Variants in DOCK1 observed in about 807,000 individuals in gnomAD.
The protein encoded by DOCK1 is dedicator of cytokinesis 1.
In DOCK1, 138 loss-of-function variants were observed where a neutral mutation model predicts 262.7. That is an observed-to-expected ratio of 0.53 (90% CI 0.46 to 0.61). DOCK1 has a LOEUF of 0.61. Among genes scored for constraint, DOCK1 ranks in the 20% least tolerant of loss-of-function variants. The probability of loss-of-function intolerance (pLI) is 0.00; values close to 1 mark genes in which losing one functional copy is unlikely to be tolerated. For missense variants in DOCK1, 1,908 were observed against 2,370.7 expected (o/e 0.80, Z 4.05); for synonymous variants, 866 against 867.4 (o/e 1.00, Z 0.03).
chr10:126,911,169 A>G (rs1014850622), intron 1 of DOCK1, among the ~76,000 whole-genome samples: 20 of 152,152 alleles, frequency 1.3e-4, no homozygotes, highest in Admixed American at 1.3e-3. Flanking sequence ...CCAGCAGTGT[A>G]TATGTGATTG....
rs1330972846 is a variant in DOCK1, at chr10:127,243,801, C to G, written c.2848-4207C>G. Among the ~76,000 whole-genome samples the G allele has an allele frequency of 2.6e-5, 4 of 152,128 alleles. No individual in the cohort carries two copies. In the East Asian group the frequency reaches 7.8e-4, roughly 29 times the overall value. On this transcript the variant is annotated intron_variant, in intron 27 of 51. Transcript: ENST00000623213. Reference sequence around the variant, plus strand: ...AGGGGCAGGCAGGGAGAGTTTGTCCCTCCTGCCAGATGGATCCTTTTCTTT... The same window carrying G: ...AGGGGCAGGCAGGGAGAGTTTGTCCGTCCTGCCAGATGGATCCTTTTCTTT...
At chr10:127,262,193 C>A (rs1353518910) in intron 29 of DOCK1, among the ~76,000 whole-genome samples, 2 of 88,498 alleles carry the variant, frequency 2.3e-5, no homozygotes, top group East Asian at 3.4e-4. Context: ...TGTGTGTACC[C>A]GTGCTCATCT....
chr10:127,424,072 C>T (rs561415017), intron 46 of DOCK1, among the ~76,000 whole-genome samples: 6 of 152,320 alleles, frequency 3.9e-5, no homozygotes, highest in Non-Finnish European at 7.4e-5. Flanking sequence ...TTCAGACCCT[C>T]GGTCTATGTT....
At chr10:126,938,923 A>G (rs1464794686) in intron 1 of DOCK1, among the ~76,000 whole-genome samples, 1 of 96,056 alleles carries the variant, frequency 1.0e-5, no homozygotes, top group South Asian at 4.4e-4. Context: ...ACCTGAAAGG[A>G]TGAACACGGG....
chr10:126,922,556 G>A (rs1417319192), intron 1 of DOCK1, among the ~76,000 whole-genome samples: 1 of 152,170 alleles, frequency 6.6e-6, no homozygotes, highest in Non-Finnish European at 1.5e-5. Context: ...CCATTCCGGA[G>A]GGAGGCGCCA....
At chr10:127,354,546 C>T in intron 31 of DOCK1, 123 bp from the exon 32 acceptor site, 5 of 1,098,368 alleles carry the variant, frequency 4.6e-6, no homozygotes, top group African/African-American at 1.6e-5. Context: ...GAAGTTGAAG[C>T]TTTGACACTC....
chr10:127,194,081 T>A (rs1450746931), intron 27 of DOCK1, among the ~76,000 whole-genome samples: 2 of 152,254 alleles, frequency 1.3e-5, no homozygotes, highest in African/African-American at 4.8e-5. Context: ...CAAGGACATC[T>A]TGTCTTTAAG....
chr10:126,947,341 T>A (rs2035520907), intron 1 of DOCK1, among the ~76,000 whole-genome samples: 1 of 128,596 alleles, frequency 7.8e-6, no homozygotes. Context: ...GTATTACTGT[T>A]GGTGATGGTG....
chr10:127,250,786 C>T (rs1202245099), intron 28 of DOCK1, among the ~76,000 whole-genome samples: 4 of 65,240 alleles, frequency 6.1e-5, no homozygotes, highest in Non-Finnish European at 8.1e-5. Flanking sequence ...AGTGAGACTC[C>T]GTCTCAAAAA....
At position 127,347,825 on chromosome 10, in the gene DOCK1, C is replaced by T. The variant is rs575404669; in HGVS notation, c.3224+4079C>T. ...AAGGCATCTGAGGGAGCATCCCCAA[C>T]CCCTCAGCCTTCCCTTCCCTTCCCT... On this transcript the variant is annotated intron_variant, in intron 31 of 51. Transcript: ENST00000623213. 5.6e-4 allele frequency among the ~76,000 whole-genome samples: 65 copies of T among 115,760 alleles called. 5 individuals are homozygous for T. The highest frequency in any genetic ancestry group is 2.0e-3 in the African/African-American group (56 of 28,538). 75.9% of individuals were successfully genotyped at this position (115,760 alleles called of 152,430 possible).
In DOCK1 at chr10:127,298,115, T is replaced by G. The variant is rs574183316; in HGVS notation, c.3044+40686T>G. ...TTTTAAAACTATTATTAAGATCAGA[T>G]TGGTTCCTCGTTATGAGCACCATAA... On this transcript the variant is annotated intron_variant, in intron 29 of 51. Transcript: ENST00000623213. Among the ~76,000 whole-genome samples the G allele has an allele frequency of 2.6e-5, 4 of 152,318 alleles. No homozygotes were observed. The East Asian group carries it at 7.7e-4, about 29-fold the overall frequency.
intron 29 of DOCK1, among the ~76,000 whole-genome samples, chr10:127,258,704 G>C (rs950486884): frequency 6.6e-6 from 1 of 152,196 alleles, no homozygotes; most frequent in Non-Finnish European, 1.5e-5. Flanking sequence ...ATTTCGTGAC[G>C]TAGGAAACTG....
chr10:126,908,699 G>A (rs893373263), intron 1 of DOCK1, among the ~76,000 whole-genome samples: 4 of 152,122 alleles, frequency 2.6e-5, no homozygotes, highest in Non-Finnish European at 4.4e-5. Context: ...TTACCAGCCC[G>A]CGTTTCCCCC....
intron 29 of DOCK1, among the ~76,000 whole-genome samples, chr10:127,282,991 C>A (rs2061016719): frequency 6.6e-6 from 1 of 152,210 alleles, no homozygotes; most frequent in East Asian, 1.9e-4. Flanking sequence ...AGGGAAAGGT[C>A]TCCCCACCAG....
At chr10:127,112,013 AT>A (rs759300995) in intron 25 of DOCK1, among the ~76,000 whole-genome samples, 6,410 of 141,816 alleles carry the variant, frequency 0.045, 443 homozygotes, top group African/African-American at 0.15. Context: ...ATTCAATTAG[AT>A]TTTTTTTTTT....
At chr10:126,954,193 A>C (rs1419990896) in intron 1 of DOCK1, among the ~76,000 whole-genome samples, 1 of 152,214 alleles carries the variant, frequency 6.6e-6, no homozygotes, top group Non-Finnish European at 1.5e-5. Context: ...AGTCAATTGA[A>C]ATGACTATTA....
intron 23 of DOCK1, among the ~76,000 whole-genome samples, chr10:127,079,186 A>C (rs2046751614): frequency 6.6e-6 from 1 of 152,124 alleles, no homozygotes; most frequent in Admixed American, 6.5e-5. Flanking sequence ...TGAACATTGG[A>C]TGCATTTACC....
chr10:127,258,204 G>A (rs184233836), intron 29 of DOCK1, among the ~76,000 whole-genome samples: 2 of 152,156 alleles, frequency 1.3e-5, no homozygotes, highest in Non-Finnish European at 2.9e-5. Context: ...TGCATATACT[G>A]TGGACTCCAC....
At chr10:126,996,535 ATTTTTTTT>A (rs10538924) in intron 6 of DOCK1, among the ~76,000 whole-genome samples, 53,376 of 136,448 alleles carry the variant, frequency 0.39, 9,879 homozygotes, top group East Asian at 0.59. Context: ...AAAATTGAGG[ATTTTTTTT>A]TTTTTTTTTT....
Sources: gnomAD v4.1 joint callset for allele counts (sites outside exome capture counted in the v4.1 genomes callset) on GRCh38, gnomAD v4.1.1 for gene constraint, MANE v1.5 for transcripts, NCBI Gene and HGNC (gene_info 2026-07-23, HGNC 2026-07-21) for gene names.